Variants in HSD17B4 observed in about 807,000 individuals in gnomAD.
The protein encoded by HSD17B4 is peroxisomal multifunctional enzyme type 2.
A neutral mutation model predicts 101.0 loss-of-function variants in HSD17B4; 70 were observed. That is an observed-to-expected ratio of 0.69 (90% CI 0.57 to 0.85). The LOEUF (loss-of-function observed/expected upper bound fraction) is 0.85. Ranked by LOEUF, HSD17B4 falls within the 40% of genes least tolerant of loss-of-function variation. The pLI, the probability that HSD17B4 is intolerant of heterozygous loss-of-function variation, is 0.00. For synonymous variants in HSD17B4, 347 were observed against 297.1 expected, an observed-to-expected ratio of 1.17 and a Z score of -1.73; for missense variants, 984 against 892.4, an observed-to-expected ratio of 1.10 and a Z score of -1.31.
Position 119,502,084 on chromosome 5 carries a change from C to T in HSD17B4, c.1253C>T (p.Pro418Leu). ...TACTTAGAGTTATATAAACCACTTC[C>T]CAGAGCAGGTGAGTTATTGATATAC... ...EQYLELYKPL[P>L]RAGKLKCEAV... Residue 418 changes from proline (P) to leucine (L), a missense_variant, in exon 14 of 24, where the codon CCC becomes CTC. Physicochemically the swap from Pro to Leu is moderately conservative, Grantham distance 98 (BLOSUM62 -3). Transcript: ENST00000510025. 1 of 1,598,222 alleles carries T rather than the reference C, an allele frequency of 6.3e-7. No homozygotes were observed. Among genetic ancestry groups the T allele is most frequent in the African/African-American group, 1.3e-5 (1 of 74,644 alleles).
intron 8 of HSD17B4, among the ~76,000 whole-genome samples, chr5:119,488,816 G>T (rs968650607): frequency 2.0e-5 from 3 of 152,216 alleles, no homozygotes; most frequent in Non-Finnish European, 2.9e-5. Context: ...TGATTTTCTA[G>T]ATTGTTGTTA....
intron 16 of HSD17B4, 163 bp downstream of exon 16, chr5:119,509,407 C>T (rs1580653552): frequency 1.4e-6 from 1 of 702,716 alleles, no homozygotes; most frequent in East Asian, 2.7e-5. Flanking sequence ...CCTCTTCTTC[C>T]TCCTCCTCTT....
At chr5:119,519,886 A>G (rs1397371745) in intron 17 of HSD17B4, among the ~76,000 whole-genome samples, 1 of 152,164 alleles carries the variant, frequency 6.6e-6, no homozygotes, top group Non-Finnish European at 1.5e-5. Flanking sequence ...TCAATTTTTA[A>G]AAGAAAAAAC....
At chr5:119,519,620 C>T (rs969138453) in intron 17 of HSD17B4, among the ~76,000 whole-genome samples, 48 of 152,120 alleles carry the variant, frequency 3.2e-4, no homozygotes, top group Non-Finnish European at 4.9e-4. Context: ...GCTGATCAGC[C>T]CATGTTTTAG....
At chr5:119,457,051 A>T (rs1006934307) in intron 2 of HSD17B4, among the ~76,000 whole-genome samples, 2 of 152,214 alleles carry the variant, frequency 1.3e-5, no homozygotes, top group African/African-American at 4.8e-5. Context: ...TGGAGGGGTC[A>T]GATGGAAGAT....
At chr5:119,460,799 G>A (rs916712249) in intron 2 of HSD17B4, among the ~76,000 whole-genome samples, 1 of 152,014 alleles carries the variant, frequency 6.6e-6, no homozygotes, top group African/African-American at 2.4e-5. Context: ...AGATGTAGGT[G>A]CTGTGGAGAA....
rs1043402572 is a variant in HSD17B4 at position 119,493,986 on chromosome 5, C to A, written c.868+40C>A. On this transcript the variant is annotated intron_variant, in intron 11 of 23. Transcript: ENST00000510025. ...CGTCACTTAGCCCTGGTTGGGGAAT[C>A]AGAGGCAGCAAGCATTTTCTTCTCT... 1.1e-5 allele frequency: 17 copies of A among 1,607,788 alleles called. No homozygotes were observed. In the East Asian group the frequency reaches 1.1e-4, roughly 11 times the overall value.
At chr5:119,485,658 C>T (rs1257272590) in intron 8 of HSD17B4, among the ~76,000 whole-genome samples, 4 of 152,070 alleles carry the variant, frequency 2.6e-5, no homozygotes, top group African/African-American at 9.7e-5. Context: ...TGTTAAAGAA[C>T]CAGATATTAT....
intron 8 of HSD17B4, among the ~76,000 whole-genome samples, chr5:119,481,023 C>A (rs1157276312): frequency 1.3e-5 from 2 of 152,154 alleles, no homozygotes; most frequent in Admixed American, 6.6e-5. Flanking sequence ...GCTCAGATTT[C>A]ATATTGCACA....
At chr5:119,511,007 T>A (rs1309493874) in intron 16 of HSD17B4, among the ~76,000 whole-genome samples, 1 of 152,196 alleles carries the variant, frequency 6.6e-6, no homozygotes, top group Non-Finnish European at 1.5e-5. Flanking sequence ...GGGGCCCTGA[T>A]TGCACTTGCC....
intron 10 of HSD17B4, 45 bp from the exon 11 acceptor site, chr5:119,493,773 C>T (rs564598699): frequency 6.3e-7 from 1 of 1,589,182 alleles, no homozygotes; most frequent in South Asian, 1.1e-5. Flanking sequence ...TACTTTCTGT[C>T]TCTCAACTAT....
chr5:119,494,286 A>G (rs1282182840), intron 11 of HSD17B4, among the ~76,000 whole-genome samples: 1 of 151,014 alleles, frequency 6.6e-6, no homozygotes, highest in African/African-American at 2.4e-5. Flanking sequence ...TATGCTCCCA[A>G]TCTTACCATA....
intron 15 of HSD17B4, among the ~76,000 whole-genome samples, chr5:119,507,191 T>A (rs1219480805): frequency 6.6e-6 from 1 of 152,064 alleles, no homozygotes; most frequent in African/African-American, 2.4e-5. Context: ...CTTGCTGGAG[T>A]ATGTTTTTGG....
rs26180 is a variant in HSD17B4 at position 119,452,501 on chromosome 5, C to A, written c.-75C>A. ...GACCCTCGTCCCGCCCCCGCCATTCCCCGCCTCCTCCTGTCCCGCAGTCGG... is the reference window on the plus strand; with the variant it reads ...GACCCTCGTCCCGCCCCCGCCATTCACCGCCTCCTCCTGTCCCGCAGTCGG... On this transcript the variant is annotated 5_prime_UTR_variant, in exon 1 of 24. Transcript: ENST00000510025. The A allele has an allele frequency of 5.6e-4, 901 of 1,610,958 alleles. No individual in the cohort carries two copies. Among genetic ancestry groups the A allele is most frequent in the Non-Finnish European group, 7.2e-4 (846 of 1,178,836 alleles).
At chr5:119,496,279 G>A (rs756514791) in intron 11 of HSD17B4, among the ~76,000 whole-genome samples, 2 of 152,176 alleles carry the variant, frequency 1.3e-5, no homozygotes, top group Non-Finnish European at 2.9e-5. Flanking sequence ...GCCCAGTGCC[G>A]CCTTAGAATC....
chr5:119,489,356 G>T (rs12653702), intron 9 of HSD17B4, 73 bp downstream of exon 9: 1 of 895,702 alleles, frequency 1.1e-6, no homozygotes, highest in East Asian at 2.4e-5. Flanking sequence ...TGTACCAGTG[G>T]ACATCACTTG....
At chr5:119,463,806 C>G (rs1755527789) in intron 2 of HSD17B4, among the ~76,000 whole-genome samples, 1 of 151,216 alleles carries the variant, frequency 6.6e-6, no homozygotes, top group African/African-American at 2.4e-5. Flanking sequence ...GTAACTGGGA[C>G]TACAGGCACC....
intron 17 of HSD17B4, among the ~76,000 whole-genome samples, chr5:119,521,130 A>G (rs1349120474): frequency 1.3e-5 from 2 of 152,184 alleles, no homozygotes; most frequent in Non-Finnish European, 2.9e-5. Flanking sequence ...TGGTTTCTAT[A>G]TCTTTAAAAC....
chr5:119,456,524 CTG>C (rs1252954588), intron 2 of HSD17B4, 156 bp downstream of exon 2: 2 of 640,632 alleles, frequency 3.1e-6, no homozygotes, highest in Non-Finnish European at 5.6e-6. Context: ...CTAAGGCTGT[CTG>C]TCTAAATTAC....
Sources: allele counts gnomAD v4.1 joint callset (sites outside exome capture counted in the v4.1 genomes callset), GRCh38; gene constraint gnomAD v4.1.1; transcripts MANE v1.5; gene names NCBI Gene and HGNC (gene_info 2026-07-23, HGNC 2026-07-21).